The following MKX variants were observed in gnomAD, a reference collection of about 807,000 sequenced individuals.
The protein encoded by MKX is homeobox protein Mohawk.
A neutral mutation model predicts 36.0 loss-of-function variants in MKX; 13 were observed. The ratio of observed to expected loss-of-function variants is 0.36; its 90% confidence interval spans 0.24 to 0.57. The LOEUF (loss-of-function observed/expected upper bound fraction) is 0.57, where lower values mean the gene tolerates loss of function less well. Among genes scored for constraint, MKX ranks in the 20% least tolerant of loss-of-function variants. MKX has a pLI of 0.79. For synonymous variants in MKX, 176 were observed against 178.3 expected, an observed-to-expected ratio of 0.99 and a Z score of 0.10; for missense variants, 458 against 456.4, an observed-to-expected ratio of 1.00 and a Z score of -0.03.
chr10:27,717,561 C>T lies in MKX; in HGVS notation c.838+16895G>A, dbSNP rs146643959. On this transcript the variant is annotated intron_variant, in intron 5 of 6. Transcript: ENST00000419761. ...CTGCAGAGGTTTCACTTAATATGTT[C>T]GTAGAATATGTGTGTGGAGATGACA... Among the ~76,000 whole-genome samples the T allele has an allele frequency of 2.0e-3, 303 of 152,250 alleles. 1 individual carries two copies. Among genetic ancestry groups the T allele is most frequent in the African/African-American group, 6.9e-3 (287 of 41,542 alleles).
At chr10:27,693,093 G>T (rs1221293363) in intron 5 of MKX, among the ~76,000 whole-genome samples, 1 of 152,188 alleles carries the variant, frequency 6.6e-6, no homozygotes, top group Non-Finnish European at 1.5e-5. Context: ...GAACCATAGG[G>T]CTGAAGAGGA....
At chr10:27,713,061 C>T (rs550834388) in intron 5 of MKX, among the ~76,000 whole-genome samples, 21 of 152,218 alleles carry the variant, frequency 1.4e-4, no homozygotes, top group Non-Finnish European at 1.5e-4. Context: ...GATCTTCTGG[C>T]GTTTGAGGAA....
chr10:27,711,085 T>A (rs2132591936), intron 5 of MKX, among the ~76,000 whole-genome samples: 1 of 152,324 alleles, frequency 6.6e-6, no homozygotes, highest in South Asian at 2.1e-4. Context: ...TCAAGTAAGA[T>A]GATAATAATT....
Position 27,744,158 on chromosome 10 carries a change from C to T in MKX, c.-82-661G>A, listed in dbSNP as rs1834991855. Among the ~76,000 whole-genome samples, 1 of 152,088 alleles carries T rather than the reference C, an allele frequency of 6.6e-6. No homozygotes were observed. The highest frequency in any genetic ancestry group is 1.5e-5 in the Non-Finnish European group (1 of 68,026). On this transcript the variant is annotated intron_variant, in intron 1 of 6. Transcript: ENST00000419761. The surrounding 1 kb of genome is among the most constrained non-coding windows in gnomAD (Gnocchi z 5.6). The stretch of plus-strand genomic sequence containing the variant: ...AAGTTAAGTGGCGTCAGGACGAAAG[C>T]ACCACTTCTCCCCCTTCTCTCCCAG...
At chr10:27,714,446 C>T (rs962913386) in intron 5 of MKX, among the ~76,000 whole-genome samples, 1 of 152,168 alleles carries the variant, frequency 6.6e-6, no homozygotes, top group Non-Finnish European at 1.5e-5. Flanking sequence ...TAATTATTCT[C>T]TTAAAGTAAC....
chr10:27,745,730 G>T lies in MKX; in HGVS notation c.-106C>A, dbSNP rs1484156447. On this transcript the variant is annotated 5_prime_UTR_variant, in exon 1 of 7. Coordinates refer to ENST00000419761, the MANE Select transcript of MKX (RefSeq NM_173576.3). The stretch of plus-strand genomic sequence containing the variant: ...ACCTGTGGCTGCGGGGCCGACGGCC[G>T]GCTGCAGGGCGGCTGGCTCTCCCGC... 1 of 152,468 alleles carries T rather than the reference G, an allele frequency of 6.6e-6. No homozygotes were observed. Among genetic ancestry groups the T allele is most frequent in the African/African-American group, 2.4e-5 (1 of 41,404 alleles). 9.4% of individuals were successfully genotyped at this position (152,468 alleles called of 1,614,324 possible).
At chr10:27,680,002 G>A (rs1225303558) in intron 5 of MKX, among the ~76,000 whole-genome samples, 1 of 152,124 alleles carries the variant, frequency 6.6e-6, no homozygotes, top group Admixed American at 6.5e-5. Flanking sequence ...GGTCTCACCG[G>A]CTCCACTCGA....
intron 5 of MKX, among the ~76,000 whole-genome samples, chr10:27,676,380 C>CTTTTTT (rs1176984277): frequency 2.3e-5 from 3 of 127,790 alleles, no homozygotes; most frequent in African/African-American, 3.3e-5. Context: ...TTTTCTTTTT[C>CTTTTTT]TTTTTTTTTT....
In MKX at chr10:27,735,249, G is replaced by A. The variant is rs369678208; in HGVS notation, c.474C>T (p.Ser158=). Residue 158 remains serine, a synonymous_variant, in exon 4 of 7, where the codon AGC becomes AGT. Transcript: ENST00000419761. Reference sequence around the variant, plus strand: ...CAGAACATGAGTCATCACTGCTTACGCTAAGCCGTTCAGCATTGCCTTGAA... The same window carrying A: ...CAGAACATGAGTCATCACTGCTTACACTAAGCCGTTCAGCATTGCCTTGAA... ...KYVQGNAERL[S]VSSDDSCSED... 165 of 1,608,978 alleles carry A rather than the reference G, an allele frequency of 1.0e-4. No homozygotes were observed. Among genetic ancestry groups the A allele is most frequent in the South Asian group, 8.3e-4 (75 of 90,010 alleles).
intron 5 of MKX, among the ~76,000 whole-genome samples, chr10:27,708,941 G>A (rs1402221415): frequency 1.3e-5 from 2 of 152,136 alleles, no homozygotes; most frequent in African/African-American, 2.4e-5. Context: ...GGCTGAGGCA[G>A]GTGAATCACC....
intron 5 of MKX, among the ~76,000 whole-genome samples, chr10:27,678,550 G>C (rs1836196340): frequency 6.6e-6 from 1 of 152,144 alleles, no homozygotes; most frequent in Admixed American, 6.5e-5. Flanking sequence ...TTCCCTACCT[G>C]AACTGTCAAT....
chr10:27,681,079 T>C (rs1368807348), intron 5 of MKX, among the ~76,000 whole-genome samples: 1 of 152,156 alleles, frequency 6.6e-6, no homozygotes, highest in Non-Finnish European at 1.5e-5. Context: ...GCTGAAAAAT[T>C]CCTATCACCT....
rs1236863875 is a variant in MKX at position 27,675,078 on chromosome 10, T to C, written c.*151A>G. The C allele has an allele frequency of 3.2e-6, 2 of 621,216 alleles. No individual in the cohort carries two copies. Among genetic ancestry groups the C allele is most frequent in the Non-Finnish European group, 5.2e-6 (2 of 385,710 alleles). The allele number at this position is 621,216 out of a possible 1,614,324, so 38.5% of individuals were successfully genotyped here. A position where few individuals can be genotyped will look rare whatever the true frequency, so the allele number is the denominator to read the frequency against. ...GAGTTTTTTATAATTTATATGTCTT[T>C]TATAGAAGCAACTAAATGATATATT... is the stretch of plus-strand genomic sequence containing the variant. On this transcript the variant is annotated 3_prime_UTR_variant, in exon 7 of 7. Coordinates refer to ENST00000419761, the MANE Select transcript of MKX (RefSeq NM_173576.3).
Position 27,741,482 on chromosome 10 carries a change from C to G in MKX, c.211G>C (p.Val71Leu). 6.3e-7 allele frequency: 1 copy of G among 1,597,306 alleles called. No individual in the cohort carries two copies. Among genetic ancestry groups the G allele is most frequent in the Non-Finnish European group, 8.5e-7 (1 of 1,173,328 alleles). Residue 71 changes from valine (V) to leucine (L), a missense_variant, in exon 3 of 7, where the codon GTG becomes CTG. Physicochemically the swap from Val to Leu is conservative, Grantham distance 32. Coordinates refer to ENST00000419761, the MANE Select transcript of MKX (RefSeq NM_173576.3). This position sits in a 1 kb window ranked among gnomAD's most constrained non-coding sequence, Gnocchi z 5.1. ...TGCAGGGCCTGCCGCTTGTGCCTCA[C>G]CTTCCCGCCATTCTGCCGGGCGCTG... ...RTGARQNGGKVRHKRQALQDM... is the reference protein window; with the variant it reads ...RTGARQNGGKLRHKRQALQDM...
chr10:27,713,218 T>G (rs1482111394), intron 5 of MKX, among the ~76,000 whole-genome samples: 2 of 152,192 alleles, frequency 1.3e-5, no homozygotes, highest in African/African-American at 4.8e-5. Flanking sequence ...GTGTCTGACC[T>G]TCCATAGTGT....
chr10:27,694,627 A>G (rs1376703098), intron 5 of MKX, among the ~76,000 whole-genome samples: 2 of 148,672 alleles, frequency 1.3e-5, no homozygotes, highest in Non-Finnish European at 3.0e-5. Context: ...CCCAGAAGGC[A>G]GAGCTTGCAG....
rs1834901436 is a variant in MKX, at chr10:27,741,653, A to G, written c.189-149T>C. On this transcript the variant is annotated intron_variant, in intron 2 of 6. Coordinates refer to ENST00000419761, the MANE Select transcript of MKX (RefSeq NM_173576.3). This position sits in a 1 kb window ranked among gnomAD's most constrained non-coding sequence, Gnocchi z 5.1. ...TGCGCGCGCCCAGAGTGTTTGGGAG[A>G]GGCAGGAAGTGGGAGCCACACAGTT... 1.1e-6 allele frequency: 1 copy of G among 880,582 alleles called. No homozygotes were observed. Among genetic ancestry groups the G allele is most frequent in the Non-Finnish European group, 1.7e-6 (1 of 601,864 alleles). The allele number at this position is 880,582 out of a possible 1,614,324, so 54.5% of individuals were successfully genotyped here.
chr10:27,713,062 G>T (rs924462703), intron 5 of MKX, among the ~76,000 whole-genome samples: 11 of 152,190 alleles, frequency 7.2e-5, no homozygotes, highest in African/African-American at 2.4e-4. Flanking sequence ...ATCTTCTGGC[G>T]TTTGAGGAAG....
intron 5 of MKX, among the ~76,000 whole-genome samples, chr10:27,723,716 T>C (rs1161452064): frequency 6.6e-6 from 1 of 152,238 alleles, no homozygotes; most frequent in Non-Finnish European, 1.5e-5. Context: ...CATACCACTT[T>C]GCCTTTTTGT....
Sources: allele counts gnomAD v4.1 joint callset (sites outside exome capture counted in the v4.1 genomes callset), GRCh38; gene constraint gnomAD v4.1.1; non-coding constraint Gnocchi (gnomAD v3.1); transcripts MANE v1.5; gene names NCBI Gene and HGNC (gene_info 2026-07-23, HGNC 2026-07-21).